Variants in NUBPL observed in about 807,000 individuals in gnomAD.
NUBPL encodes the protein iron-sulfur cluster transfer protein NUBPL.
NUBPL carries 31 observed loss-of-function variants against 45.7 expected under a neutral mutation model. The observed-to-expected ratio is 0.68, with a 90% CI of 0.51 to 0.92. NUBPL has a LOEUF of 0.92. Among genes scored for constraint, NUBPL ranks in the 40% least tolerant of loss-of-function variants. NUBPL has a pLI of 0.00. For missense variants in NUBPL, 401 were observed against 398.7 expected (o/e 1.01, Z -0.05); for synonymous variants, 144 against 140.9 (o/e 1.02, Z -0.15).
At chr14:31,847,753 A>G (rs1187076902) in intron 9 of NUBPL, among the ~76,000 whole-genome samples, 2 of 152,196 alleles carry the variant, frequency 1.3e-5, no homozygotes, top group Non-Finnish European at 2.9e-5. Context: ...CTAAAAGTTG[A>G]TGTTAAATAT....
intron 6 of NUBPL, among the ~76,000 whole-genome samples, chr14:31,716,004 TC>T (rs2037680243): frequency 6.6e-6 from 1 of 152,178 alleles, no homozygotes; most frequent in South Asian, 2.1e-4. Flanking sequence ...AATTTTTTTT[TC>T]TTTTACTTAA....
chr14:31,574,135 T>C (rs930204598), intron 3 of NUBPL, among the ~76,000 whole-genome samples: 10 of 152,254 alleles, frequency 6.6e-5, no homozygotes, highest in Non-Finnish European at 1.5e-4. Context: ...TCTGAGATAA[T>C]GTGTTTGAAG....
intron 6 of NUBPL, among the ~76,000 whole-genome samples, chr14:31,696,420 C>T (rs1424462947): frequency 1.3e-5 from 2 of 152,166 alleles, no homozygotes; most frequent in African/African-American, 4.8e-5. Flanking sequence ...GCTATTTCCT[C>T]ACAGTGGCTC....
intron 4 of NUBPL, among the ~76,000 whole-genome samples, chr14:31,621,977 G>A (rs1027740857): frequency 6.6e-6 from 1 of 152,186 alleles, no homozygotes; most frequent in African/African-American, 2.4e-5. Flanking sequence ...GAACTTCCTA[G>A]TGTCTGGTTG....
rs1311253362 is a variant in NUBPL, at chr14:31,822,407, G to A, written c.608-4222G>A. 2.0e-5 allele frequency among the ~76,000 whole-genome samples: 3 copies of A among 152,172 alleles called. No homozygotes were observed. The East Asian group carries it at 5.8e-4, about 29-fold the overall frequency. ...TAAATTTAGTTTTACTGGAGATTATGTTGTTTATGCATTATTTTCTTATAA... is the reference window on the plus strand; with the variant it reads ...TAAATTTAGTTTTACTGGAGATTATATTGTTTATGCATTATTTTCTTATAA... On this transcript the variant is annotated intron_variant, in intron 7 of 10. Coordinates refer to ENST00000281081, the MANE Select transcript of NUBPL (RefSeq NM_025152.3).
chr14:31,814,446 T>A (rs935162761), intron 7 of NUBPL, among the ~76,000 whole-genome samples: 12 of 152,182 alleles, frequency 7.9e-5, no homozygotes, highest in Admixed American at 5.9e-4. Context: ...CCATGTCAGA[T>A]GGATAGATTG....
At chr14:31,775,406 A>G (rs1232492206) in intron 6 of NUBPL, among the ~76,000 whole-genome samples, 1 of 152,220 alleles carries the variant, frequency 6.6e-6, no homozygotes, top group African/African-American at 2.4e-5. Context: ...CGACAAGAGC[A>G]AAACTCCATC....
intron 7 of NUBPL, among the ~76,000 whole-genome samples, chr14:31,821,297 G>A (rs2040014583): frequency 6.6e-6 from 1 of 151,990 alleles, no homozygotes; most frequent in Non-Finnish European, 1.5e-5. Context: ...AACTGACAAA[G>A]GATTTATAAC....
At chr14:31,818,369 A>G (rs112473180) in intron 7 of NUBPL, among the ~76,000 whole-genome samples, 1,626 of 152,316 alleles carry the variant, frequency 0.011, 27 homozygotes, top group African/African-American at 0.037. Flanking sequence ...TCTTAGCACC[A>G]CATCGCACTT....
chr14:31,762,693 A>G (rs965346927), intron 6 of NUBPL, among the ~76,000 whole-genome samples: 2 of 152,166 alleles, frequency 1.3e-5, no homozygotes, highest in African/African-American at 4.8e-5. Flanking sequence ...TTTTTGGGAA[A>G]TTGTTGCTCC....
chr14:31,625,404 A>G (rs2035178508), intron 4 of NUBPL, among the ~76,000 whole-genome samples: 1 of 152,096 alleles, frequency 6.6e-6, no homozygotes, highest in Non-Finnish European at 1.5e-5. Context: ...TCTATTGAGT[A>G]TCTCTAGCCT....
intron 6 of NUBPL, among the ~76,000 whole-genome samples, chr14:31,706,982 C>T (rs1210454168): frequency 6.6e-6 from 1 of 152,170 alleles, no homozygotes; most frequent in Non-Finnish European, 1.5e-5. Context: ...ACAGCTCACA[C>T]GTTTGAGGAG....
intron 6 of NUBPL, among the ~76,000 whole-genome samples, chr14:31,712,503 C>T (rs2037598063): frequency 6.6e-6 from 1 of 152,230 alleles, no homozygotes; most frequent in African/African-American, 2.4e-5. Context: ...CTGGCTCCCA[C>T]CCATGCCTCT....
chr14:31,811,906 A>G (rs2039813081), intron 7 of NUBPL, among the ~76,000 whole-genome samples: 1 of 152,168 alleles, frequency 6.6e-6, no homozygotes, highest in Non-Finnish European at 1.5e-5. Flanking sequence ...TGATTTTGCT[A>G]GAAGTCCACT....
chr14:31,711,752 A>G (rs1286854517), intron 6 of NUBPL, among the ~76,000 whole-genome samples: 1 of 151,770 alleles, frequency 6.6e-6, no homozygotes, highest in Non-Finnish European at 1.5e-5. Context: ...TGAGTGTTAC[A>G]GCTCTTAAAG....
chr14:31,625,477 C>CT (rs34987045), intron 4 of NUBPL, among the ~76,000 whole-genome samples: 41,551 of 137,704 alleles, frequency 0.3, 6,780 homozygotes, highest in South Asian at 0.4. Flanking sequence ...TCTTTTCTTT[C>CT]TTTTTTTTTT....
At chr14:31,577,788 A>T (rs1162781079) in intron 3 of NUBPL, 1 of 161,420 alleles carries the variant, frequency 6.2e-6, no homozygotes, top group South Asian at 2.0e-4. Flanking sequence ...CTGCTCCTTT[A>T]CACTGGCTGT....
chr14:31,622,937 G>C (rs2035105231), intron 4 of NUBPL, among the ~76,000 whole-genome samples: 1 of 152,220 alleles, frequency 6.6e-6, no homozygotes, highest in South Asian at 2.1e-4. Flanking sequence ...ACCCCAGAAT[G>C]GTAGATCCAC....
intron 7 of NUBPL, among the ~76,000 whole-genome samples, chr14:31,810,318 A>G (rs7147779): frequency 0.16 from 24,161 of 152,106 alleles, 5,549 homozygotes; most frequent in African/African-American, 0.51. Flanking sequence ...GGGTGCATAT[A>G]TATTTAGAAT....
Sources: gnomAD v4.1 joint callset for allele counts (sites outside exome capture counted in the v4.1 genomes callset) on GRCh38, gnomAD v4.1.1 for gene constraint, MANE v1.5 for transcripts, NCBI Gene and HGNC (gene_info 2026-07-23, HGNC 2026-07-21) for gene names.